CEP97: variants seen among roughly 807,000 people sequenced by gnomAD.
The protein encoded by CEP97 is centrosomal protein 97.
CEP97 carries 43 observed loss-of-function variants against 73.1 expected under a neutral mutation model. That is an observed-to-expected ratio of 0.59 (90% confidence interval 0.46 to 0.76). CEP97 has a LOEUF of 0.76. Among genes scored for constraint, CEP97 ranks in the 30% least tolerant of loss-of-function variants. The probability of loss-of-function intolerance (pLI) is 0.00; values close to 1 mark genes in which losing one functional copy is unlikely to be tolerated. For synonymous variants in CEP97, 337 were observed against 370.0 expected (o/e 0.91, Z 1.02); for missense variants, 939 against 1,014.0 (o/e 0.93, Z 1.00).
chr3:101,750,622 C>T (rs1938778554), intron 6 of CEP97, among the ~76,000 whole-genome samples: 1 of 152,210 alleles, frequency 6.6e-6, no homozygotes, highest in African/African-American at 2.4e-5. Context: ...GATTCAACTT[C>T]TTCCTGGTTT....
intron 4 of CEP97, among the ~76,000 whole-genome samples, chr3:101,730,054 C>T (rs1328239297): frequency 6.6e-6 from 1 of 152,084 alleles, no homozygotes; most frequent in Non-Finnish European, 1.5e-5. Context: ...GATCCTCCTG[C>T]CTTGGCCTCG....
Position 101,755,483 on chromosome 3 carries a change from G to T in CEP97, c.782G>T (p.Gly261Val). Reference sequence around the variant, plus strand: ...GGCAAGGGGAGAGCATATCGGCCTGGCCAGCACATCCAGCTTGTCCAATAT... The same window carrying T: ...GGCAAGGGGAGAGCATATCGGCCTGTCCAGCACATCCAGCTTGTCCAATAT... The part of the protein sequence containing the change: ...SQGKGRAYRP[G>V]QHIQLVQYLA... The change falls in exon 7 of 11, where the codon GGC (glycine) becomes GTC (valine). Residue 261 changes from glycine (G) to valine (V), a missense_variant. Coordinates refer to ENST00000341893, the MANE Select transcript of CEP97 (RefSeq NM_024548.4). 6.2e-7 allele frequency: 1 copy of T among 1,614,076 alleles called. No individual in the cohort carries two copies. The highest frequency in any genetic ancestry group is 8.5e-7 in the Non-Finnish European group (1 of 1,179,998).
intron 1 of CEP97, among the ~76,000 whole-genome samples, chr3:101,725,860 CA>C (rs1480238732): frequency 4.0e-5 from 6 of 148,692 alleles, no homozygotes; most frequent in Admixed American, 1.4e-4. Flanking sequence ...GCGATGTTCT[CA>C]GTCCTTTTTT....
Position 101,732,490 on chromosome 3 carries a change from C to G in CEP97, c.564C>G (p.Ile188Met). 1 of 1,598,760 alleles carries G rather than the reference C, an allele frequency of 6.3e-7. No individual in the cohort carries two copies. Among genetic ancestry groups the G allele is most frequent in the Non-Finnish European group, 8.6e-7 (1 of 1,168,584 alleles). Residue 188 changes from isoleucine (I) to methionine (M), a missense_variant and splice_region_variant, in exon 6 of 11, where the codon ATC becomes ATG. Coordinates refer to ENST00000341893, the MANE Select transcript of CEP97 (RefSeq NM_024548.4). ...AACAAAGATATCTTTTGTTCCAGAT[C>G]TCTTTTTTGGCATCCTTAACTGAAT... ...AENEIRDLNE[I>M]SFLASLTELE...
chr3:101,742,072 A>C (rs1217342489), intron 6 of CEP97, among the ~76,000 whole-genome samples: 2 of 151,136 alleles, frequency 1.3e-5, no homozygotes, highest in Admixed American at 6.6e-5. Context: ...ACAAAAAAAC[A>C]AAAAAAACAG....
chr3:101,752,567 C>T (rs2107175044), intron 6 of CEP97, among the ~76,000 whole-genome samples: 1 of 152,272 alleles, frequency 6.6e-6, no homozygotes, highest in Middle Eastern at 3.4e-3. Flanking sequence ...CACATAGTCC[C>T]TATTTCTTGG....
Position 101,757,916 on chromosome 3 carries a change from A to T in CEP97, c.1310A>T (p.Asp437Val), listed in dbSNP as rs368952768. ...GGCCTAGAAGATGATGGTGTTGCAG[A>T]TGAATCTGTGAAAGGGCTGGAAAGC... is the stretch of plus-strand genomic sequence containing the variant. ...NLGLEDDGVA[D>V]ESVKGLESQV... The change falls in exon 9 of 11, where the codon GAT (aspartate) becomes GTT (valine). Residue 437 changes from aspartate to valine, a missense_variant. Physicochemically the swap from Asp to Val is radical, Grantham distance 152. Transcript: ENST00000341893. The T allele has an allele frequency of 2.4e-5, 39 of 1,614,258 alleles. No homozygotes were observed. The South Asian group carries it at 3.7e-4, about 15-fold the overall frequency.
At chr3:101,741,608 C>A (rs992506575) in intron 6 of CEP97, among the ~76,000 whole-genome samples, 12 of 152,098 alleles carry the variant, frequency 7.9e-5, no homozygotes, top group African/African-American at 2.9e-4. Flanking sequence ...AGGATATGAA[C>A]AGATATTTCT....
intron 6 of CEP97, among the ~76,000 whole-genome samples, chr3:101,753,307 G>T (rs1170871317): frequency 2.0e-5 from 3 of 152,160 alleles, no homozygotes; most frequent in Admixed American, 2.0e-4. Context: ...TGCCCCTACT[G>T]GGGGGTGCCT....
chr3:101,733,332 A>G (rs1177594082), intron 6 of CEP97, among the ~76,000 whole-genome samples: 1 of 152,126 alleles, frequency 6.6e-6, no homozygotes, highest in Non-Finnish European at 1.5e-5. Flanking sequence ...TATCACATAT[A>G]TAAGGGCCGT....
intron 6 of CEP97, among the ~76,000 whole-genome samples, chr3:101,754,942 T>G (rs1938962612): frequency 6.6e-6 from 1 of 151,410 alleles, no homozygotes; most frequent in Non-Finnish European, 1.5e-5. Flanking sequence ...TGGTGGACTA[T>G]AAGGTTGACA....
At chr3:101,744,096 C>A (rs1938538972) in intron 6 of CEP97, among the ~76,000 whole-genome samples, 1 of 151,764 alleles carries the variant, frequency 6.6e-6, no homozygotes, top group Non-Finnish European at 1.5e-5. Context: ...GGTACAACTA[C>A]TTTGAAAAAC....
chr3:101,727,593 A>G (rs1937938813), intron 3 of CEP97, 52 bp downstream of exon 3: 1 of 1,509,312 alleles, frequency 6.6e-7, no homozygotes, highest in African/African-American at 1.4e-5. Context: ...AAAAAATTCA[A>G]GCAATGTAGA....
intron 6 of CEP97, among the ~76,000 whole-genome samples, chr3:101,736,779 G>A (rs1938292529): frequency 6.6e-6 from 1 of 152,204 alleles, no homozygotes; most frequent in Non-Finnish European, 1.5e-5. Context: ...AAAAACCAGA[G>A]TGCTTCTTCT....
intron 10 of CEP97, chr3:101,763,159 A>G: frequency 7.9e-7 from 1 of 1,259,290 alleles, no homozygotes. Context: ...TCTGGGCTCA[A>G]GCAGTCTTCC....
intron 6 of CEP97, among the ~76,000 whole-genome samples, chr3:101,739,481 A>G (rs1576682472): frequency 6.6e-6 from 1 of 152,168 alleles, no homozygotes; most frequent in East Asian, 1.9e-4. Flanking sequence ...CCACGATCAA[A>G]TCGGCTTCAT....
At chr3:101,730,774 C>T (rs991666315) in intron 4 of CEP97, among the ~76,000 whole-genome samples, 23 of 152,006 alleles carry the variant, frequency 1.5e-4, no homozygotes, top group African/African-American at 5.1e-4. Context: ...ATATTGTTGC[C>T]TCATTGGATA....
chr3:101,731,895 T>A lies in CEP97; in HGVS notation c.503T>A (p.Leu168Gln). The A allele has an allele frequency of 6.2e-7, 1 of 1,612,530 alleles. No homozygotes were observed. Among genetic ancestry groups the A allele is most frequent in the Non-Finnish European group, 8.5e-7 (1 of 1,178,548 alleles). ...TCTCTTAGAATGGCACCTGCTTACCTACCCAGAAGTCTTGCTATACTTTCT... is the reference window on the plus strand; with the variant it reads ...TCTCTTAGAATGGCACCTGCTTACCAACCCAGAAGTCTTGCTATACTTTCT... ...ITSLRMAPAY[L>Q]PRSLAILSLA... The change falls in exon 5 of 11, where the codon CTA (leucine) becomes CAA (glutamine). Residue 168 changes from leucine to glutamine, a missense_variant. Transcript: ENST00000341893.
At position 101,752,415 on chromosome 3, in the gene CEP97, G is replaced by A. The variant is rs953633447; in HGVS notation, c.729-3015G>A. ...AAGGAGTATCTTTGTGGCGTTCTCT[G>A]TATTTCCTGAATCTGAATGTTGGCC... On this transcript the variant is annotated intron_variant, in intron 6 of 10. Coordinates refer to ENST00000341893, the MANE Select transcript of CEP97 (RefSeq NM_024548.4). Among the ~76,000 whole-genome samples the A allele has an allele frequency of 2.6e-5, 4 of 152,170 alleles. No homozygotes were observed. The East Asian group carries it at 5.8e-4, about 22-fold the overall frequency.
Sources: gnomAD v4.1 joint callset for allele counts (sites outside exome capture counted in the v4.1 genomes callset) on GRCh38, gnomAD v4.1.1 for gene constraint, MANE v1.5 for transcripts, NCBI Gene and HGNC (gene_info 2026-07-23, HGNC 2026-07-21) for gene names.